The following TFEC variants were observed in gnomAD, a reference collection of about 807,000 sequenced individuals.
TFEC encodes transcription factor EC, also known as class E basic helix-loop-helix protein 34.
A neutral mutation model predicts 41.6 loss-of-function variants in TFEC; 31 were observed. That is an observed-to-expected ratio of 0.74 (90% CI 0.56 to 1.01). The LOEUF (loss-of-function observed/expected upper bound fraction) is 1.01, where lower values mean the gene tolerates loss of function less well. TFEC is among the 50% of genes least tolerant of loss of function. The pLI, the probability that TFEC is intolerant of heterozygous loss-of-function variation, is 0.00. For synonymous variants in TFEC, 143 were observed against 140.6 expected, an observed-to-expected ratio of 1.02 and a Z score of -0.12; for missense variants, 402 against 404.1, an observed-to-expected ratio of 0.99 and a Z score of 0.04.
intron 1 of TFEC, among the ~76,000 whole-genome samples, chr7:115,994,429 A>G (rs1794267187): frequency 6.6e-6 from 1 of 152,200 alleles, no homozygotes; most frequent in Non-Finnish European, 1.5e-5. Flanking sequence ...AACCTACAGA[A>G]TGGGAGAAAA....
intron 1 of TFEC, among the ~76,000 whole-genome samples, chr7:116,153,346 T>C (rs551100452): frequency 1.3e-5 from 2 of 152,238 alleles, no homozygotes; most frequent in South Asian, 2.1e-4. Context: ...ATCCGCCTCC[T>C]GTGTTCAAGG....
chr7:115,994,327 A>G (rs1284113287), intron 1 of TFEC, among the ~76,000 whole-genome samples: 1 of 152,180 alleles, frequency 6.6e-6, no homozygotes, highest in Admixed American at 6.5e-5. Flanking sequence ...CACCAAAAGC[A>G]ATGGCAACAA....
intron 3 of TFEC, among the ~76,000 whole-genome samples, chr7:116,085,296 A>T (rs946042612): frequency 1.3e-5 from 2 of 151,932 alleles, no homozygotes; most frequent in Admixed American, 1.3e-4. Flanking sequence ...GGAACAATGC[A>T]TCTGATGTGA....
At position 116,157,620 on chromosome 7, in the gene TFEC, G is replaced by A. The variant is rs753588885; in HGVS notation, c.-69+2170C>T. Among the ~76,000 whole-genome samples the A allele has an allele frequency of 1.7e-4, 26 of 152,128 alleles. 1 individual carries two copies. In the South Asian group the frequency reaches 2.1e-3, roughly 12 times the overall value. ...TCAAAAAATAATATGTTGAGTGTGG[G>A]GCTAGGAAGTGACTAGGAGACGAAC... On this transcript the variant is annotated intron_variant, in intron 1 of 8. Coordinates refer to the TFEC transcript ENST00000484212.
chr7:116,088,235 C>G (rs1797244885), intron 3 of TFEC, among the ~76,000 whole-genome samples: 2 of 152,096 alleles, frequency 1.3e-5, no homozygotes, highest in African/African-American at 4.8e-5. Flanking sequence ...CACCCATCCC[C>G]ACTCCTCGTT....
At chr7:116,011,531 C>T (rs560617595) in intron 1 of TFEC, among the ~76,000 whole-genome samples, 2 of 152,170 alleles carry the variant, frequency 1.3e-5, no homozygotes, top group East Asian at 3.9e-4. Context: ...CTGTCCTTTC[C>T]AATTCAACAG....
At chr7:116,003,824 A>C (rs1794689210) in intron 1 of TFEC, among the ~76,000 whole-genome samples, 1 of 152,164 alleles carries the variant, frequency 6.6e-6, no homozygotes, top group South Asian at 2.1e-4. Flanking sequence ...ATCAATAACA[A>C]AAAGATAGCT....
At chr7:116,047,580 C>A (rs1796200123) in intron 3 of TFEC, among the ~76,000 whole-genome samples, 1 of 152,164 alleles carries the variant, frequency 6.6e-6, no homozygotes, top group South Asian at 2.1e-4. Context: ...GAGGGCAGGG[C>A]ATAGCTGAAC....
intron 1 of TFEC, among the ~76,000 whole-genome samples, chr7:116,020,404 T>G (rs1208799207): frequency 6.6e-6 from 1 of 152,160 alleles, no homozygotes; most frequent in Non-Finnish European, 1.5e-5. Flanking sequence ...AGCAACAAGA[T>G]GATCGCTGAA....
In TFEC at chr7:116,064,715, A is replaced by T. The variant is rs543353102; in HGVS notation, c.198+45993T>A. Among the ~76,000 whole-genome samples, 507 of 152,096 alleles carry T rather than the reference A, an allele frequency of 3.3e-3. 12 individuals are homozygous for T. In the South Asian group the frequency reaches 0.051, roughly 15 times the overall value. ...GTATCCCAGAACTTAAAGTAAAATT[A>T]AAAAAAAGAGAAGCAGCTGAATTAG... On this transcript the variant is annotated intron_variant, in intron 3 of 8. Coordinates refer to the TFEC transcript ENST00000484212.
At chr7:115,942,102 A>G in intron 6 of TFEC, 62 bp from the exon 7 acceptor site, 2 of 1,485,246 alleles carry the variant, frequency 1.3e-6, no homozygotes, top group Non-Finnish European at 1.8e-6. Context: ...ATAAGAACTT[A>G]CAAAATCTTT....
At chr7:115,989,657 C>T (rs188129738) in intron 1 of TFEC, among the ~76,000 whole-genome samples, 89 of 152,220 alleles carry the variant, frequency 5.8e-4, no homozygotes, top group Admixed American at 4.4e-3. Context: ...AACTGCAAGG[C>T]GGCAGCGAGG....
chr7:116,081,570 G>A (rs961661658), intron 3 of TFEC, among the ~76,000 whole-genome samples: 4 of 151,966 alleles, frequency 2.6e-5, no homozygotes, highest in African/African-American at 7.2e-5. Flanking sequence ...AAGAGCTGCC[G>A]CTGGTAACTG....
Position 115,967,676 on chromosome 7 carries a change from A to T in TFEC, c.267+6494T>A, listed in dbSNP as rs887197082. On this transcript the variant is annotated intron_variant, in intron 3 of 7. Coordinates refer to ENST00000265440, the MANE Select transcript of TFEC (RefSeq NM_012252.4). ...TCCTATTATGACACATGTAAATATA[A>T]TGTGTTGAGCTGGAATAGGAGATCC... 2.0e-5 allele frequency among the ~76,000 whole-genome samples: 3 copies of T among 151,942 alleles called. No individual in the cohort carries two copies. In the East Asian group the frequency reaches 5.8e-4, roughly 30 times the overall value.
chr7:116,079,613 T>C (rs1797041682), intron 3 of TFEC, among the ~76,000 whole-genome samples: 1 of 151,866 alleles, frequency 6.6e-6, no homozygotes, highest in Non-Finnish European at 1.5e-5. Context: ...CTTAGAAATA[T>C]ACCTAACCAA....
At chr7:116,013,922 T>C (rs1290614436) in intron 1 of TFEC, among the ~76,000 whole-genome samples, 2 of 152,132 alleles carry the variant, frequency 1.3e-5, no homozygotes, top group African/African-American at 2.4e-5. Flanking sequence ...AGGTTCTTCA[T>C]ACAGTACAGG....
At chr7:116,021,746 GT>G (rs1795403745) in intron 1 of TFEC, among the ~76,000 whole-genome samples, 1 of 152,120 alleles carries the variant, frequency 6.6e-6, no homozygotes, top group Non-Finnish European at 1.5e-5. Context: ...TGTCAAAATG[GT>G]TTTCTTAACT....
intron 1 of TFEC, among the ~76,000 whole-genome samples, chr7:115,994,095 A>G (rs2130736705): frequency 6.6e-6 from 1 of 152,382 alleles, no homozygotes; most frequent in East Asian, 1.9e-4. Context: ...GACAAAAACC[A>G]GAAATGGGGG....
At position 116,049,655 on chromosome 7, in the gene TFEC, C is replaced by A. The variant is rs912999356; in HGVS notation, c.198+61053G>T. 2.0e-5 allele frequency among the ~76,000 whole-genome samples: 3 copies of A among 152,318 alleles called. No individual in the cohort carries two copies. In the South Asian group the frequency reaches 6.2e-4, roughly 32 times the overall value. ...TAATAGACATCTACAGAACTCTCCACCACAAATCAACAGAATATACATTCT... is the reference window on the plus strand; with the variant it reads ...TAATAGACATCTACAGAACTCTCCAACACAAATCAACAGAATATACATTCT... On this transcript the variant is annotated intron_variant, in intron 3 of 8. Coordinates refer to the TFEC transcript ENST00000484212.
Sources: gnomAD v4.1 joint callset for allele counts (sites outside exome capture counted in the v4.1 genomes callset) on GRCh38, gnomAD v4.1.1 for gene constraint, MANE v1.5 for transcripts, NCBI Gene and HGNC (gene_info 2026-07-23, HGNC 2026-07-21) for gene names.